The following MAP1S variants were observed in gnomAD, a reference collection of about 807,000 sequenced individuals.
MAP1S encodes the protein microtubule associated protein 1S, also known as microtubule-associated protein 1S.
In MAP1S, 27 loss-of-function variants were observed where a neutral mutation model predicts 60.9. That is an observed-to-expected ratio of 0.44 (90% CI 0.33 to 0.61). The LOEUF (loss-of-function observed/expected upper bound fraction) is 0.61, where lower values mean the gene tolerates loss of function less well. Ranked by LOEUF, MAP1S falls within the 20% of genes least tolerant of loss-of-function variation. The pLI is 0.03. For synonymous variants in MAP1S, 826 were observed against 694.2 expected, an observed-to-expected ratio of 1.19 and a Z score of -2.98; for missense variants, 1,608 against 1,486.6, an observed-to-expected ratio of 1.08 and a Z score of -1.34.
intron 5 of MAP1S, chr19:17,728,663 C>A (rs762527397): frequency 1.3e-5 from 2 of 152,686 alleles, no homozygotes; most frequent in African/African-American, 4.8e-5. Context: ...TCAAACAATT[C>A]TCCTGTCTCA....
In MAP1S at chr19:17,725,314, G is replaced by T; in HGVS notation, c.444+125G>T. On this transcript the variant is annotated intron_variant, in intron 4 of 6. Coordinates refer to ENST00000324096, the MANE Select transcript of MAP1S (RefSeq NM_018174.6). The surrounding 1 kb of genome is among the most constrained non-coding windows in gnomAD (Gnocchi z 4.2). ...TGGTCTCCCCATCCTCTGTAGGATG[G>T]CAGTGGTGACACATGCCTCCTGGCT... 8.4e-7 allele frequency: 1 copy of T among 1,197,202 alleles called. No individual in the cohort carries two copies. The highest frequency in any genetic ancestry group is 2.5e-5 in the East Asian group (1 of 40,354). 74.2% of individuals were successfully genotyped at this position (1,197,202 alleles called of 1,614,324 possible).
At chr19:17,723,708 G>A (rs2080391435) in intron 2 of MAP1S, among the ~76,000 whole-genome samples, 1 of 152,036 alleles carries the variant, frequency 6.6e-6, no homozygotes, top group African/African-American at 2.4e-5. Flanking sequence ...AACTTAGCCG[G>A]GTGTGGTGGC....
At position 17,726,047 on chromosome 19, in the gene MAP1S, G is replaced by A. The variant is rs142794572; in HGVS notation, c.663G>A (p.Pro221=). The stretch of plus-strand genomic sequence containing the variant: ...ACGTGGCTGAGTCTCTGGAGCCACC[G>A]TCCCCCTTCGAGCTGCTGGAGCCCC... ...LEYVAESLEP[P]SPFELLEPPT... The change falls in exon 5 of 7, where the codon CCG becomes CCA. Residue 221 remains proline, a synonymous_variant. Transcript: ENST00000324096. 2.0e-5 allele frequency: 33 copies of A among 1,613,206 alleles called. No individual in the cohort carries two copies. The highest frequency in any genetic ancestry group is 2.7e-5 in the Non-Finnish European group (32 of 1,179,838).
Position 17,728,162 on chromosome 19 carries a change from A to G in MAP1S, c.2778A>G (p.Arg926=). 6.3e-7 allele frequency: 1 copy of G among 1,590,866 alleles called. No individual in the cohort carries two copies. ...RKSSTPKTAT[R]GPSGSASSRP... ...CCTCAACCCCCAAGACTGCCACTCG[A>G]GGCCCGTCGGGTGAGTACTGGAGCT... is the stretch of plus-strand genomic sequence containing the variant. Residue 926 remains arginine, a synonymous_variant, in exon 5 of 7, where the codon CGA becomes CGG. Coordinates refer to ENST00000324096, the MANE Select transcript of MAP1S (RefSeq NM_018174.6).
intron 5 of MAP1S, chr19:17,729,034 A>G (rs2080469743): frequency 6.6e-6 from 1 of 152,232 alleles, no homozygotes; most frequent in African/African-American, 2.4e-5. Context: ...AGTAAAATGA[A>G]ACAGTTGAAA....
In MAP1S at chr19:17,726,501, A is replaced by T; in HGVS notation, c.1117A>T (p.Ser373Cys). 6.4e-7 allele frequency: 1 copy of T among 1,550,780 alleles called. No homozygotes were observed. The highest frequency in any genetic ancestry group is 8.7e-7 in the Non-Finnish European group (1 of 1,152,608). Residue 373 changes from serine to cysteine, a missense_variant, in exon 5 of 7, where the codon AGC becomes TGC. By Grantham distance (112) the Ser-to-Cys change is moderately radical (BLOSUM62 -1). Around this residue, in one of 4 missense-constraint regions of MAP1S, gnomAD observed 1,167 missense variants for 961.4 expected, o/e 1.21. Transcript: ENST00000324096. ...GCTGGGCATCACGCCTCTGCCACTC[A>T]GCCGCGGCCCCGTGCCAGCCAAACC... ...AQLGITPLPL[S>C]RGPVPAKPTV...
Position 17,727,196 on chromosome 19 carries a change from G to C in MAP1S, c.1812G>C (p.Gln604His), listed in dbSNP as rs1342952245. The C allele has an allele frequency of 6.3e-7, 1 of 1,575,038 alleles. No homozygotes were observed. The highest frequency in any genetic ancestry group is 8.6e-7 in the Non-Finnish European group (1 of 1,164,710). ...PSAACGSPAS[Q>H]LVATPSLELG... Reference sequence around the variant, plus strand: ...CAGCCTGCGGCTCTCCGGCCTCCCAGCTGGTGGCCACGCCCAGCCTGGAGC... The same window carrying C: ...CAGCCTGCGGCTCTCCGGCCTCCCACCTGGTGGCCACGCCCAGCCTGGAGC... The change falls in exon 5 of 7, where the codon CAG (glutamine) becomes CAC (histidine). Residue 604 changes from glutamine to histidine, a missense_variant. This residue lies in a region of MAP1S where 1,167 missense variants were observed against 961.4 expected (regional missense o/e 1.21). Transcript: ENST00000324096. This position sits in a 1 kb window ranked among gnomAD's most constrained non-coding sequence, Gnocchi z 4.1.
chr19:17,732,734 T>C (rs543054524), intron 5 of MAP1S, among the ~76,000 whole-genome samples: 10 of 152,284 alleles, frequency 6.6e-5, no homozygotes, highest in African/African-American at 2.4e-4. Context: ...CACTGGCTGC[T>C]TTCAGGGCTC....
chr19:17,728,411 C>G (rs1041707054), intron 5 of MAP1S, among the ~76,000 whole-genome samples: 1 of 152,056 alleles, frequency 6.6e-6, no homozygotes, highest in Non-Finnish European at 1.5e-5. Flanking sequence ...ACTACCCCTG[C>G]CTAATTTTAA....
rs1296322137 is a variant in MAP1S, at chr19:17,720,981, AAC to A, written c.166_167del (p.Gln56AlafsTer44). 6.2e-7 allele frequency: 1 copy of A among 1,613,950 alleles called. No homozygotes were observed. Among genetic ancestry groups the A allele is most frequent in the Non-Finnish European group, 8.5e-7 (1 of 1,179,976 alleles). ...GATCCTGGCGTCTGCAACCTTGATG[AAC>A]AGCTCAAGGTCTTTGTGTCCCGACA... On this transcript the variant is annotated frameshift_variant, in exon 2 of 7. Transcript: ENST00000324096. LOFTEE classifies it high-confidence loss of function.
chr19:17,729,897 G>C (rs1287958301), intron 5 of MAP1S, among the ~76,000 whole-genome samples: 3 of 152,114 alleles, frequency 2.0e-5, no homozygotes, highest in Admixed American at 6.6e-5. Context: ...TCCTGGCCTC[G>C]TGATCTGCCC....
Position 17,726,526 on chromosome 19 carries a change from C to A in MAP1S, c.1142C>A (p.Pro381His). Residue 381 changes from proline to histidine, a missense_variant, in exon 5 of 7, where the codon CCC becomes CAC. Pro to His is a moderately conservative substitution (Grantham distance 77, BLOSUM62 -2). This residue lies in a region of MAP1S where 1,167 missense variants were observed against 961.4 expected (regional missense o/e 1.21). Coordinates refer to ENST00000324096, the MANE Select transcript of MAP1S (RefSeq NM_018174.6). Reference protein sequence around the residue: ...PLSRGPVPAKPTVLFEKMGVG... With the variant: ...PLSRGPVPAKHTVLFEKMGVG... Reference sequence around the variant, plus strand: ...AGCCGCGGCCCCGTGCCAGCCAAACCCACCGTGCTCTTCGAGAAGATGGGC... The same window carrying A: ...AGCCGCGGCCCCGTGCCAGCCAAACACACCGTGCTCTTCGAGAAGATGGGC... 6.4e-7 allele frequency: 1 copy of A among 1,563,806 alleles called. No individual in the cohort carries two copies. The highest frequency in any genetic ancestry group is 8.6e-7 in the Non-Finnish European group (1 of 1,159,044).
At position 17,725,971 on chromosome 19, in the gene MAP1S, A is replaced by G; in HGVS notation, c.587A>G (p.Asn196Ser). The change falls in exon 5 of 7, where the codon AAC becomes AGC. Residue 196 changes from asparagine to serine, a missense_variant. Asn to Ser is a conservative substitution (Grantham distance 46). This residue lies in a region of MAP1S where 320 missense variants were observed against 393.1 expected (regional missense o/e 0.81). Coordinates refer to ENST00000324096, the MANE Select transcript of MAP1S (RefSeq NM_018174.6). The surrounding 1 kb of genome is among the most constrained non-coding windows in gnomAD (Gnocchi z 4.2). ...QGALRLQLRL[N>S]PPAQLPNSEG... Reference sequence around the variant, plus strand: ...GCGCTCCGGCTCCAGCTGCGGCTGAACCCCCCGGCGCAGCTGCCCAACTCT... The same window carrying G: ...GCGCTCCGGCTCCAGCTGCGGCTGAGCCCCCCGGCGCAGCTGCCCAACTCT... 6.2e-7 allele frequency: 1 copy of G among 1,610,532 alleles called. No homozygotes were observed. The highest frequency in any genetic ancestry group is 8.5e-7 in the Non-Finnish European group (1 of 1,178,802).
Position 17,721,115 on chromosome 19 carries a change from G to A in MAP1S, c.220+78G>A, listed in dbSNP as rs2080367142. 4.5e-6 allele frequency: 5 copies of A among 1,100,270 alleles called. No homozygotes were observed. In the East Asian group the frequency reaches 9.4e-5, roughly 21 times the overall value. 68.2% of individuals were successfully genotyped at this position (1,100,270 alleles called of 1,614,324 possible). A position where few individuals can be genotyped will look rare whatever the true frequency, so the allele number is the denominator to read the frequency against. ...GCCAGCCGTGTGCCAGGCATGGGGG[G>A]TGGGATGCAGCTATAAATAACAACA... is the stretch of plus-strand genomic sequence containing the variant. On this transcript the variant is annotated intron_variant, in intron 2 of 6. Transcript: ENST00000324096.
chr19:17,721,856 C>T (rs758937561), intron 2 of MAP1S, among the ~76,000 whole-genome samples: 4 of 152,262 alleles, frequency 2.6e-5, no homozygotes, highest in African/African-American at 2.4e-5. Context: ...CAACTCAGCA[C>T]GAGGCTCCCT....
Position 17,725,879 on chromosome 19 carries a change from C to T in MAP1S, c.495C>T (p.Leu165=), listed in dbSNP as rs1261287574. The change falls in exon 5 of 7, where the codon CTC becomes CTT. Residue 165 remains leucine (L), a synonymous_variant. Coordinates refer to ENST00000324096, the MANE Select transcript of MAP1S (RefSeq NM_018174.6). This position sits in a 1 kb window ranked among gnomAD's most constrained non-coding sequence, Gnocchi z 4.2. ...TTPPPVQPPI[L]TITCPTFGDW... is the part of the protein sequence containing the mutation. ...CCCCACCTGTGCAGCCGCCCATACTCACCATCACCTGCCCCACCTTCGGTG... is the reference window on the plus strand; with the variant it reads ...CCCCACCTGTGCAGCCGCCCATACTTACCATCACCTGCCCCACCTTCGGTG... 1.9e-6 allele frequency: 3 copies of T among 1,613,584 alleles called. No homozygotes were observed. The highest frequency in any genetic ancestry group is 4.5e-5 in the East Asian group (2 of 44,884).
chr19:17,720,085 C>T (rs1360965634), intron 1 of MAP1S: 16 of 1,155,078 alleles, frequency 1.4e-5, no homozygotes, highest in Non-Finnish European at 1.7e-5. Flanking sequence ...CTTTCTGTTG[C>T]CTCACAAGGA....
chr19:17,725,953 G>T lies in MAP1S; in HGVS notation c.569G>T (p.Arg190Leu). The T allele has an allele frequency of 6.2e-7, 1 of 1,612,922 alleles. No homozygotes were observed. The highest frequency in any genetic ancestry group is 1.1e-5 in the South Asian group (1 of 90,978). The stretch of plus-strand genomic sequence containing the variant: ...GTGCCTGGCCTTCAGGGGGCGCTCC[G>T]GCTCCAGCTGCGGCTGAACCCCCCG... Reference protein sequence around the residue: ...PAVPGLQGALRLQLRLNPPAQ... With the variant: ...PAVPGLQGALLLQLRLNPPAQ... Residue 190 changes from arginine (R) to leucine (L), a missense_variant, in exon 5 of 7, where the codon CGG becomes CTG. Arg to Leu is a moderately radical substitution (Grantham distance 102). Transcript: ENST00000324096. This position sits in a 1 kb window ranked among gnomAD's most constrained non-coding sequence, Gnocchi z 4.2.
rs138929053 is a variant in MAP1S, at chr19:17,727,865, C to T, written c.2481C>T (p.Pro827=). 4.7e-4 allele frequency: 765 copies of T among 1,613,212 alleles called. 3 individuals carry two copies. In the African/African-American group the frequency reaches 8.1e-3, roughly 17 times the overall value. ...CTCGCCACGACCCTTTGCCTGACCC[C>T]CTCAAGGTCCCCCCACCACTGCCTG... is the stretch of plus-strand genomic sequence containing the variant. ...GVPRHDPLPD[P]LKVPPPLPDP... is the part of the protein sequence containing the mutation. Residue 827 remains proline (P), a synonymous_variant, in exon 5 of 7, where the codon CCC becomes CCT. Transcript: ENST00000324096. This position sits in a 1 kb window ranked among gnomAD's most constrained non-coding sequence, Gnocchi z 4.1.
Sources: gnomAD v4.1 joint callset for allele counts (sites outside exome capture counted in the v4.1 genomes callset) on GRCh38, gnomAD v4.1.1 for gene constraint, gnomAD v4.1.1 regional missense constraint, Gnocchi (gnomAD v3.1) non-coding constraint, MANE v1.5 for transcripts, NCBI Gene and HGNC (gene_info 2026-07-23, HGNC 2026-07-21) for gene names.